The following TBC1D4 variants were observed in gnomAD, a reference collection of about 807,000 sequenced individuals.
TBC1D4 encodes the protein TBC (Tre-2, BUB2, CDC16) domain-containing protein.
A neutral mutation model predicts 142.5 loss-of-function variants in TBC1D4; 121 were observed. The ratio of observed to expected loss-of-function variants is 0.85; its 90% CI spans 0.73 to 0.99. The LOEUF (loss-of-function observed/expected upper bound fraction) is 0.99, where lower values mean the gene tolerates loss of function less well. Among genes scored for constraint, TBC1D4 ranks in the 50% least tolerant of loss-of-function variants. TBC1D4 has a pLI of 0.00. For missense variants in TBC1D4, 1,475 were observed against 1,606.6 expected, an observed-to-expected ratio of 0.92 and a Z score of 1.40; for synonymous variants, 630 against 628.2, an observed-to-expected ratio of 1.00 and a Z score of -0.04.
intron 1 of TBC1D4, among the ~76,000 whole-genome samples, chr13:75,372,140 G>A (rs754445537): frequency 2.0e-5 from 3 of 151,990 alleles, no homozygotes; most frequent in Non-Finnish European, 2.9e-5. Flanking sequence ...CTTTATTTTC[G>A]AGATCCATGT....
intron 1 of TBC1D4, among the ~76,000 whole-genome samples, chr13:75,409,884 C>G (rs1784648794): frequency 6.6e-6 from 1 of 152,164 alleles, no homozygotes; most frequent in African/African-American, 2.4e-5. Flanking sequence ...ACTTGCCCTG[C>G]TATATCATCT....
intron 1 of TBC1D4, among the ~76,000 whole-genome samples, chr13:75,396,927 G>A (rs908687268): frequency 6.6e-6 from 1 of 152,090 alleles, no homozygotes; most frequent in Non-Finnish European, 1.5e-5. Context: ...TTAAAGATAT[G>A]CTGAAGCAAA....
At chr13:75,383,309 T>TGA (rs1195900440) in intron 1 of TBC1D4, among the ~76,000 whole-genome samples, 2 of 152,054 alleles carry the variant, frequency 1.3e-5, no homozygotes, top group African/African-American at 4.8e-5. Flanking sequence ...GGCAACAGAG[T>TGA]GAGACCTTGT....
At chr13:75,316,215 G>A (rs1003624584) in intron 12 of TBC1D4, among the ~76,000 whole-genome samples, 2 of 152,106 alleles carry the variant, frequency 1.3e-5, no homozygotes, top group Non-Finnish European at 1.5e-5. Flanking sequence ...ATAAAACTGA[G>A]TTGTACCCAT....
At chr13:75,323,586 C>T (rs1029081454) in intron 11 of TBC1D4, among the ~76,000 whole-genome samples, 1 of 152,006 alleles carries the variant, frequency 6.6e-6, no homozygotes, top group Non-Finnish European at 1.5e-5. Flanking sequence ...ATACATTTTC[C>T]ATACTGGGGA....
chr13:75,341,057 C>G, intron 7 of TBC1D4, 68 bp downstream of exon 7: 1 of 1,432,212 alleles, frequency 7.0e-7, no homozygotes, highest in Non-Finnish European at 9.8e-7. Context: ...CCTGAGAGTA[C>G]AAAGGGAAGA....
chr13:75,303,016 G>A (rs920984122), intron 15 of TBC1D4, among the ~76,000 whole-genome samples: 1 of 152,134 alleles, frequency 6.6e-6, no homozygotes, highest in African/African-American at 2.4e-5. Context: ...TCTTATATGG[G>A]CATTAAAAAT....
At chr13:75,352,959 C>T (rs951384782) in intron 4 of TBC1D4, among the ~76,000 whole-genome samples, 1 of 152,120 alleles carries the variant, frequency 6.6e-6, no homozygotes, top group Non-Finnish European at 1.5e-5. Flanking sequence ...AGGAAATTTA[C>T]GTTTAATTTT....
At chr13:75,408,449 G>C (rs1387710644) in intron 1 of TBC1D4, among the ~76,000 whole-genome samples, 2 of 152,102 alleles carry the variant, frequency 1.3e-5, no homozygotes, top group African/African-American at 4.8e-5. Flanking sequence ...ATAAATCTAG[G>C]GGGTATTAAT....
chr13:75,330,053 A>T (rs1343456025), intron 8 of TBC1D4, among the ~76,000 whole-genome samples: 2 of 152,224 alleles, frequency 1.3e-5, no homozygotes, highest in Non-Finnish European at 2.9e-5. Context: ...AGAAATTTTT[A>T]AAATTATTTC....
At chr13:75,304,537 A>C (rs965230521) in intron 15 of TBC1D4, among the ~76,000 whole-genome samples, 1 of 152,198 alleles carries the variant, frequency 6.6e-6, no homozygotes, top group Non-Finnish European at 1.5e-5. Flanking sequence ...ATTATGATTA[A>C]GTATAATAAA....
intron 1 of TBC1D4, among the ~76,000 whole-genome samples, chr13:75,475,365 A>G (rs1412726541): frequency 6.6e-6 from 1 of 152,264 alleles, no homozygotes; most frequent in African/African-American, 2.4e-5. Flanking sequence ...CATCCAAGTA[A>G]CTGCATGTTG....
chr13:75,349,177 C>T lies in TBC1D4; in HGVS notation c.1401G>A (p.Arg467=), dbSNP rs763260446. Residue 467 remains arginine, a synonymous_variant, in exon 5 of 21, where the codon AGG becomes AGA. Coordinates refer to ENST00000377636, the MANE Select transcript of TBC1D4 (RefSeq NM_014832.5). ...AGCCACATTAAACTGTACCTTCAAT[C>T]CTTTCACAGAGCTTATGCAAAGAGT... ...PMHSLHKLCE[R]IEGLYPPRAK... is the part of the protein sequence containing the mutation. 4.3e-6 allele frequency: 7 copies of T among 1,614,018 alleles called. No individual in the cohort carries two copies. The Admixed American group carries it at 1.2e-4, about 27-fold the overall frequency.
intron 1 of TBC1D4, among the ~76,000 whole-genome samples, chr13:75,472,407 A>G (rs2138331352): frequency 6.6e-6 from 1 of 152,300 alleles, no homozygotes; most frequent in East Asian, 1.9e-4. Context: ...TGACAAAGCA[A>G]GACTCCGTCT....
At chr13:75,429,896 GAATA>G (rs1408435768) in intron 1 of TBC1D4, among the ~76,000 whole-genome samples, 1 of 152,114 alleles carries the variant, frequency 6.6e-6, no homozygotes, top group African/African-American at 2.4e-5. Flanking sequence ...AACTTGAACA[GAATA>G]AATAGATTTT....
At chr13:75,447,884 C>T (rs528911677) in intron 1 of TBC1D4, among the ~76,000 whole-genome samples, 2 of 152,170 alleles carry the variant, frequency 1.3e-5, no homozygotes, top group South Asian at 4.2e-4. Context: ...CCCATCATGC[C>T]TAGATAGGGC....
In TBC1D4 at chr13:75,379,802, A is replaced by G. The variant is rs144304036; in HGVS notation, c.499-17195T>C. The stretch of plus-strand genomic sequence containing the variant: ...CAGTTTTAGTTGATAAAAATCAACT[A>G]AACAACACATTTACCATTATTGATA... On this transcript the variant is annotated intron_variant, in intron 1 of 20. Coordinates refer to ENST00000377636, the MANE Select transcript of TBC1D4 (RefSeq NM_014832.5). Among the ~76,000 whole-genome samples the G allele has an allele frequency of 3.1e-3, 464 of 152,034 alleles. 2 individuals are homozygous for G. The highest frequency in any genetic ancestry group is 0.011 in the African/African-American group (439 of 41,462).
At chr13:75,349,130 A>G in intron 5 of TBC1D4, 40 bp downstream of exon 5, 1 of 1,613,738 alleles carries the variant, frequency 6.2e-7, no homozygotes, top group South Asian at 1.1e-5. Flanking sequence ...CCAAATGCCA[A>G]AGCAAACTTC....
chr13:75,283,542 C>T lies in TBC1D4; in HGVS notation c.*3250G>A, dbSNP rs1477142284. Among the ~76,000 whole-genome samples the T allele has an allele frequency of 6.6e-6, 1 of 152,124 alleles. No individual in the cohort carries two copies. The highest frequency in any genetic ancestry group is 1.5e-5 in the Non-Finnish European group (1 of 68,020). ...ATTACAAATATACATGAGAATACTC[C>T]AAGAGATGCATATTTTATATAAAAA... On this transcript the variant is annotated 3_prime_UTR_variant, in exon 21 of 21. Transcript: ENST00000377636.
Sources: allele counts gnomAD v4.1 joint callset (sites outside exome capture counted in the v4.1 genomes callset), GRCh38; gene constraint gnomAD v4.1.1; transcripts MANE v1.5; gene names NCBI Gene and HGNC (gene_info 2026-07-23, HGNC 2026-07-21).